The following SPMIP7 variants were observed in gnomAD, a reference collection of about 807,000 sequenced individuals.
SPMIP7 encodes sperm microtubule inner protein 7, also known as protein SPMIP7.
At chr7:50,144,233 T>C in the SPMIP7 span, among the ~76,000 whole-genome samples, 5 of 152,246 alleles carry the variant, frequency 3.3e-5, no homozygotes, top group Admixed American at 1.3e-4. Flanking sequence ...GTGTTCATTA[T>C]GAAAATAATT....
At chr7:50,159,039 G>A in the SPMIP7 span, 1 of 1,551,292 alleles carries the variant, frequency 6.4e-7, no homozygotes, top group Non-Finnish European at 8.7e-7. Flanking sequence ...TTCCCATCCT[G>A]CCCCAGCGTC....
the SPMIP7 span, among the ~76,000 whole-genome samples, chr7:50,128,549 T>C: frequency 1.4e-4 from 22 of 152,166 alleles, no homozygotes; most frequent in South Asian, 3.3e-3. Context: ...ACAGATTATA[T>C]GAATGTATCA....
chr7:50,129,671 T>A, the SPMIP7 span: 2 of 1,244,798 alleles, frequency 1.6e-6, no homozygotes, highest in Admixed American at 2.2e-5. Flanking sequence ...AATAACAATT[T>A]CCATTTATAT....
chr7:50,151,948 C>T, the SPMIP7 span, among the ~76,000 whole-genome samples: 1 of 152,210 alleles, frequency 6.6e-6, no homozygotes, highest in African/African-American at 2.4e-5. Flanking sequence ...ATGGAACATA[C>T]ATCAGATACA....
At chr7:50,137,649 T>C in the SPMIP7 span, among the ~76,000 whole-genome samples, 1 of 152,150 alleles carries the variant, frequency 6.6e-6, no homozygotes, top group East Asian at 1.9e-4. Context: ...TGGGCTCCCA[T>C]TACTGCACAT....
At chr7:50,137,697 C>T in the SPMIP7 span, among the ~76,000 whole-genome samples, 1 of 152,106 alleles carries the variant, frequency 6.6e-6, no homozygotes, top group African/African-American at 2.4e-5. Flanking sequence ...AAAAAAAAAT[C>T]CAGTCTTATC....
the SPMIP7 span, among the ~76,000 whole-genome samples, chr7:50,099,272 G>A: frequency 1.3e-5 from 2 of 151,956 alleles, no homozygotes; most frequent in South Asian, 4.2e-4. Flanking sequence ...TTAAAAGTGC[G>A]GTACTAAAAT....
chr7:50,104,430 T>A, the SPMIP7 span: 2 of 1,209,022 alleles, frequency 1.7e-6, no homozygotes, highest in Non-Finnish European at 2.3e-6. Flanking sequence ...TTCTTCTGGG[T>A]GGTGTTATAT....
chr7:50,133,669 G>C, the SPMIP7 span, among the ~76,000 whole-genome samples: 3 of 152,120 alleles, frequency 2.0e-5, no homozygotes, highest in African/African-American at 7.2e-5. Context: ...ATGAGACTTG[G>C]TTCTCATCTT....
At chr7:50,132,343 T>C in the SPMIP7 span, among the ~76,000 whole-genome samples, 1 of 152,174 alleles carries the variant, frequency 6.6e-6, no homozygotes, top group Admixed American at 6.6e-5. Flanking sequence ...TGGGTTTATT[T>C]CCCATTGTAT....
chr7:50,133,175 T>C, the SPMIP7 span, among the ~76,000 whole-genome samples: 3 of 152,136 alleles, frequency 2.0e-5, no homozygotes, highest in South Asian at 4.1e-4. Context: ...GTCTGTCATA[T>C]ATGCCTGTGA....
At chr7:50,130,134 A>G in the SPMIP7 span, among the ~76,000 whole-genome samples, 1 of 152,182 alleles carries the variant, frequency 6.6e-6, no homozygotes. Context: ...TTACGAATCT[A>G]TGTTTTAGAC....
At chr7:50,117,342 C>T in the SPMIP7 span, 11 of 416,364 alleles carry the variant, frequency 2.6e-5, no homozygotes, top group East Asian at 7.2e-5. Context: ...TGTTTAAAAG[C>T]GGTAGCAGCA....
the SPMIP7 span, chr7:50,104,306 G>T: frequency 2.1e-6 from 3 of 1,460,734 alleles, no homozygotes; most frequent in Admixed American, 4.5e-5. Context: ...CTTTTTTTGT[G>T]TTTTCAGGTT....
At chr7:50,121,804 C>T in the SPMIP7 span, among the ~76,000 whole-genome samples, 6 of 148,278 alleles carry the variant, frequency 4.0e-5, no homozygotes, top group Non-Finnish European at 8.9e-5. Flanking sequence ...CAGGCACTTG[C>T]CATCATGCCC....
At chr7:50,117,819 ATATT>A in the SPMIP7 span, among the ~76,000 whole-genome samples, 1 of 152,182 alleles carries the variant, frequency 6.6e-6, no homozygotes, top group Non-Finnish European at 1.5e-5. Context: ...ATGTCAGTAA[ATATT>A]TATACAGATA....
the SPMIP7 span, among the ~76,000 whole-genome samples, chr7:50,106,592 T>C: frequency 4.6e-5 from 7 of 152,218 alleles, no homozygotes; most frequent in Admixed American, 4.6e-4. Flanking sequence ...AGTATTTTCA[T>C]TAAACACTTT....
chr7:50,142,552 G>A, the SPMIP7 span: 64 of 152,230 alleles, frequency 4.2e-4, no homozygotes, highest in African/African-American at 1.3e-3. Context: ...CTTTTGATTC[G>A]CTTTCAATTT....
the SPMIP7 span, among the ~76,000 whole-genome samples, chr7:50,100,812 A>AAATAAATAAATAAAT: frequency 2.2e-5 from 3 of 139,278 alleles, no homozygotes; most frequent in Admixed American, 1.5e-4. Flanking sequence ...ATGCCGTCCA[A>AAATAAATAAATAAAT]AAATAAATAA....
Sources: allele counts gnomAD v4.1 joint callset (sites outside exome capture counted in the v4.1 genomes callset), GRCh38; gene constraint gnomAD v4.1.1; transcripts MANE v1.5; gene names NCBI Gene and HGNC (gene_info 2026-07-23, HGNC 2026-07-21).